The following ADK variants were observed in gnomAD, a reference collection of about 807,000 sequenced individuals.
ADK encodes adenosine kinase, also known as N6,N6-dimethyladenosine kinase.
A neutral mutation model predicts 44.7 loss-of-function variants in ADK; 24 were observed. The ratio of observed to expected loss-of-function variants is 0.54; its 90% CI spans 0.39 to 0.76. The LOEUF (loss-of-function observed/expected upper bound fraction) is 0.76. Among genes scored for constraint, ADK ranks in the 30% least tolerant of loss-of-function variants. The pLI is 0.00. For missense variants in ADK, 321 were observed against 425.1 expected (o/e 0.76, Z 2.15); for synonymous variants, 128 against 142.6 (o/e 0.90, Z 0.73).
intron 9 of ADK, among the ~76,000 whole-genome samples, chr10:74,637,944 G>C (rs1347763212): frequency 6.6e-6 from 1 of 152,198 alleles, no homozygotes; most frequent in Admixed American, 6.5e-5. Flanking sequence ...CTTAAATAGT[G>C]CAGTTTATTG....
intron 10 of ADK, among the ~76,000 whole-genome samples, chr10:74,679,626 T>C (rs1012240535): frequency 1.3e-5 from 2 of 151,944 alleles, no homozygotes; most frequent in Non-Finnish European, 2.9e-5. Context: ...ATGCCATTCA[T>C]GTTGGGCTTT....
At chr10:74,701,430 G>A (rs2395097) in intron 10 of ADK, among the ~76,000 whole-genome samples, 120,302 of 152,104 alleles carry the variant, frequency 0.79, 47,727 homozygotes, top group Middle Eastern at 0.86. Flanking sequence ...ATACCATTCT[G>A]TGCTAAAAAG....
chr10:74,367,541 C>G, intron 4 of ADK, among the ~76,000 whole-genome samples: 1 of 152,126 alleles, frequency 6.6e-6, no homozygotes, highest in East Asian at 1.9e-4. Flanking sequence ...AGAAGCTTTG[C>G]ATGTGTGAGT....
intron 4 of ADK, among the ~76,000 whole-genome samples, chr10:74,316,013 G>A (rs1042409401): frequency 4.2e-4 from 64 of 152,066 alleles, no homozygotes; most frequent in African/African-American, 1.5e-3. Context: ...CGAGGTGGAC[G>A]GATCACTTGA....
intron 2 of ADK, among the ~76,000 whole-genome samples, chr10:74,201,271 T>C (rs1029017960): frequency 4.6e-5 from 7 of 152,176 alleles, no homozygotes; most frequent in Non-Finnish European, 8.8e-5. Context: ...CAGGATATAA[T>C]TCAGAGGATA....
chr10:74,628,216 C>T (rs1459551415), intron 9 of ADK, among the ~76,000 whole-genome samples: 2 of 152,102 alleles, frequency 1.3e-5, no homozygotes, highest in African/African-American at 4.8e-5. Flanking sequence ...AAAGCATCAG[C>T]TTTTTTCTTC....
At chr10:74,648,333 G>A (rs189793771) in intron 9 of ADK, among the ~76,000 whole-genome samples, 1 of 152,262 alleles carries the variant, frequency 6.6e-6, no homozygotes, top group East Asian at 1.9e-4. Flanking sequence ...ATCTATATAA[G>A]TAAATATAAA....
At chr10:74,226,423 A>T (rs1030596383) in intron 3 of ADK, among the ~76,000 whole-genome samples, 1 of 152,094 alleles carries the variant, frequency 6.6e-6, no homozygotes, top group African/African-American at 2.4e-5. Context: ...ACATTTTATT[A>T]CGAAAAGTTT....
At chr10:74,653,523 G>A (rs545961471) in intron 9 of ADK, among the ~76,000 whole-genome samples, 83 of 151,902 alleles carry the variant, frequency 5.5e-4, no homozygotes, top group Non-Finnish European at 1.1e-3. Flanking sequence ...TTTTCCCCTG[G>A]TGCTGCAGCT....
chr10:74,361,735 A>G (rs1842342483), intron 4 of ADK, among the ~76,000 whole-genome samples: 1 of 152,214 alleles, frequency 6.6e-6, no homozygotes, highest in Non-Finnish European at 1.5e-5. Flanking sequence ...AGCATTTCTT[A>G]TTGGACAAGT....
At chr10:74,497,457 C>A (rs1341893803) in intron 6 of ADK, among the ~76,000 whole-genome samples, 1 of 152,122 alleles carries the variant, frequency 6.6e-6, no homozygotes, top group South Asian at 2.1e-4. Flanking sequence ...ACTTTATATA[C>A]CATCTTTTCT....
chr10:74,154,234 CTG>C (rs969170097), intron 1 of ADK, among the ~76,000 whole-genome samples: 1 of 152,070 alleles, frequency 6.6e-6, no homozygotes, highest in Non-Finnish European at 1.5e-5. Context: ...CTTTCTATCT[CTG>C]TGCCTCTCAG....
chr10:74,276,104 G>A (rs1046631104), intron 3 of ADK, among the ~76,000 whole-genome samples: 1 of 152,142 alleles, frequency 6.6e-6, no homozygotes, highest in Non-Finnish European at 1.5e-5. Flanking sequence ...AGTGAGCATA[G>A]GATGTATATT....
At chr10:74,286,323 A>G (rs976146244) in intron 3 of ADK, among the ~76,000 whole-genome samples, 3 of 152,192 alleles carry the variant, frequency 2.0e-5, no homozygotes, top group African/African-American at 7.2e-5. Context: ...AAGCAGTGGG[A>G]CTGCAGGTGC....
At chr10:74,314,834 T>C in intron 4 of ADK, 89 bp downstream of exon 4, 1 of 976,848 alleles carries the variant, frequency 1.0e-6, no homozygotes, top group Non-Finnish European at 1.6e-6. Context: ...TATATTGTGT[T>C]GCTGTAGAAT....
At chr10:74,242,722 G>A (rs1845264215) in intron 3 of ADK, among the ~76,000 whole-genome samples, 1 of 152,162 alleles carries the variant, frequency 6.6e-6, no homozygotes, top group African/African-American at 2.4e-5. Context: ...CCAATTGAAT[G>A]TTGCCTTTTC....
At chr10:74,315,067 T>C (rs1840570055) in intron 4 of ADK, among the ~76,000 whole-genome samples, 1 of 152,128 alleles carries the variant, frequency 6.6e-6, no homozygotes, top group African/African-American at 2.4e-5. Context: ...TTTTATTTTA[T>C]AAGTTGAAAG....
chr10:74,246,361 A>T (rs1171258784), intron 3 of ADK, among the ~76,000 whole-genome samples: 1 of 152,216 alleles, frequency 6.6e-6, no homozygotes, highest in Non-Finnish European at 1.5e-5. Context: ...AGTCAGCTTT[A>T]TTGTGATTCT....
intron 6 of ADK, among the ~76,000 whole-genome samples, chr10:74,519,226 A>C (rs1848713564): frequency 6.6e-6 from 1 of 151,994 alleles, no homozygotes; most frequent in African/African-American, 2.4e-5. Context: ...TTACGTCACT[A>C]AACTTTCAAT....
Sources: gnomAD v4.1 joint callset for allele counts (sites outside exome capture counted in the v4.1 genomes callset) on GRCh38, gnomAD v4.1.1 for gene constraint, MANE v1.5 for transcripts, NCBI Gene and HGNC (gene_info 2026-07-23, HGNC 2026-07-21) for gene names.